TASOR: variants seen among roughly 807,000 people sequenced by gnomAD.
TASOR encodes the protein transcription activation suppressor, also known as protein TASOR.
A neutral mutation model predicts 178.6 loss-of-function variants in TASOR; 53 were observed. That is an observed-to-expected ratio of 0.30 (90% CI 0.24 to 0.37). TASOR has a LOEUF of 0.37. TASOR is among the 10% of genes least tolerant of loss of function. TASOR has a pLI of 1.00. For missense variants in TASOR, 1,815 were observed against 1,971.4 expected, an observed-to-expected ratio of 0.92 and a Z score of 1.50; for synonymous variants, 713 against 696.2, an observed-to-expected ratio of 1.02 and a Z score of -0.38.
rs765881446 is a variant in TASOR at position 56,640,102 on chromosome 3, A to G, written c.2648T>C (p.Phe883Ser). ...ACTGGGACACAAACTGCAATCTTCA[A>G]AATTATTCACGCTAATTAAATTTGG... ...EDPNLISVNNFEDCSLCPSVP... is the reference protein window; with the variant it reads ...EDPNLISVNNSEDCSLCPSVP... Residue 883 changes from phenylalanine to serine, a missense_variant, in exon 16 of 24, where the codon TTT (phenylalanine) becomes TCT (serine). Phe to Ser is a radical substitution (Grantham distance 155, BLOSUM62 -2). Transcript: ENST00000683822. 1 of 1,613,384 alleles carries G rather than the reference A, an allele frequency of 6.2e-7. No individual in the cohort carries two copies. Among genetic ancestry groups the G allele is most frequent in the South Asian group, 1.1e-5 (1 of 90,748 alleles).
rs890678269 is a variant in TASOR, at chr3:56,673,753, T to C, written c.332-28A>G. 20 of 1,521,084 alleles carry C rather than the reference T, an allele frequency of 1.3e-5. No individual in the cohort carries two copies. The African/African-American group carries it at 2.1e-4, about 16-fold the overall frequency. The allele number at this position is 1,521,084 out of a possible 1,614,324, so 94.2% of individuals were successfully genotyped here. A position where few individuals can be genotyped will look rare whatever the true frequency, so the allele number is the denominator to read the frequency against. Reference sequence around the variant, plus strand: ...AAAATAAAAAAACAAACATTTAAAATGTTTAACATTACTCCATCTTAAATA... The same window carrying C: ...AAAATAAAAAAACAAACATTTAAAACGTTTAACATTACTCCATCTTAAATA... On this transcript the variant is annotated intron_variant, in intron 1 of 23. Transcript: ENST00000683822.
intron 1 of TASOR, among the ~76,000 whole-genome samples, chr3:56,674,169 T>C (rs2031031112): frequency 8.0e-6 from 1 of 124,490 alleles, no homozygotes; most frequent in Non-Finnish European, 1.7e-5. Context: ...AGTAACAAAA[T>C]ATGCTGTTAC....
intron 5 of TASOR, 64 bp from the exon 6 acceptor site, chr3:56,668,622 A>G (rs2030313545): frequency 8.9e-7 from 1 of 1,118,744 alleles, no homozygotes; most frequent in Non-Finnish European, 1.3e-6. Context: ...TAACATTAAT[A>G]TTATGAAATA....
intron 13 of TASOR, among the ~76,000 whole-genome samples, chr3:56,648,445 T>C (rs1239641666): frequency 1.3e-5 from 2 of 151,822 alleles, no homozygotes; most frequent in African/African-American, 2.4e-5. Flanking sequence ...CTGGCCAACA[T>C]GGTGAAACCC....
chr3:56,680,418 A>G (rs1054260444), intron 1 of TASOR, among the ~76,000 whole-genome samples: 2 of 152,208 alleles, frequency 1.3e-5, no homozygotes, highest in Admixed American at 1.3e-4. Context: ...GACCAAAAAA[A>G]GAACTTTCTG....
intron 17 of TASOR, 70 bp from the exon 18 acceptor site, chr3:56,634,036 A>C: frequency 1.6e-6 from 2 of 1,270,334 alleles, no homozygotes; most frequent in Non-Finnish European, 2.1e-6. Flanking sequence ...AAACCCTTAA[A>C]TTGGGGGAAA....
Position 56,640,133 on chromosome 3 carries a change from A to T in TASOR, c.2620-3T>A, listed in dbSNP as rs1474377469. Reference sequence around the variant, plus strand: ...TTCACGCTAATTAAATTTGGATCCTAAAAATCAAAGTACACACTGAATAGC... The same window carrying T: ...TTCACGCTAATTAAATTTGGATCCTTAAAATCAAAGTACACACTGAATAGC... On this transcript the variant is annotated splice_region_variant and splice_polypyrimidine_tract_variant and intron_variant, in intron 15 of 23. Transcript: ENST00000683822. The T allele has an allele frequency of 6.2e-7, 1 of 1,611,840 alleles. No individual in the cohort carries two copies. The highest frequency in any genetic ancestry group is 8.5e-7 in the Non-Finnish European group (1 of 1,178,962).
chr3:56,675,960 TACC>T (rs2031258162), intron 1 of TASOR, among the ~76,000 whole-genome samples: 1 of 152,226 alleles, frequency 6.6e-6, no homozygotes, highest in South Asian at 2.1e-4. Context: ...AACAAATGGT[TACC>T]ACTATTTTCG....
intron 13 of TASOR, among the ~76,000 whole-genome samples, chr3:56,647,691 A>G (rs1317061867): frequency 2.0e-5 from 3 of 152,288 alleles, no homozygotes; most frequent in Non-Finnish European, 1.5e-5. Flanking sequence ...CTCATCCTTA[A>G]TCCAACAGTG....
chr3:56,660,366 T>A (rs1047254411), intron 11 of TASOR, among the ~76,000 whole-genome samples: 1 of 151,270 alleles, frequency 6.6e-6, no homozygotes, highest in African/African-American at 2.4e-5. Context: ...GGTGTGCACA[T>A]GTAATCCCAG....
intron 11 of TASOR, among the ~76,000 whole-genome samples, chr3:56,658,861 C>T (rs1297548977): frequency 6.6e-6 from 1 of 151,726 alleles, no homozygotes; most frequent in East Asian, 1.9e-4. Context: ...TTGCAGTGAG[C>T]TGAGACTGTG....
rs2031926412 is a variant in TASOR, at chr3:56,682,834, T to C, written c.173A>G (p.Glu58Gly). ...GGCGGCCTCGGCCCCCGCGTTCTCCTCACGCCCAGCGCCGCCGCTGGGCTC... is the reference window on the plus strand; with the variant it reads ...GGCGGCCTCGGCCCCCGCGTTCTCCCCACGCCCAGCGCCGCCGCTGGGCTC... ...IAEPSGGAGR[E>G]ENAGAEAAQS... Residue 58 changes from glutamate (E) to glycine (G), a missense_variant, in exon 1 of 24, where the codon GAG becomes GGG. Around this residue, in one of 5 missense-constraint regions of TASOR, gnomAD observed 244 missense variants for 202.7 expected, o/e 1.20. Transcript: ENST00000683822. 1.3e-6 allele frequency: 2 copies of C among 1,550,256 alleles called. No homozygotes were observed. Among genetic ancestry groups the C allele is most frequent in the Non-Finnish European group, 1.7e-6 (2 of 1,146,486 alleles).
chr3:56,675,405 G>A (rs1225365615), intron 1 of TASOR, among the ~76,000 whole-genome samples: 1 of 148,792 alleles, frequency 6.7e-6, no homozygotes, highest in Non-Finnish European at 1.5e-5. Context: ...TCGAACCCCT[G>A]ACCTCAGGTA....
At chr3:56,654,822 T>C (rs1308182918) in intron 11 of TASOR, among the ~76,000 whole-genome samples, 3 of 152,206 alleles carry the variant, frequency 2.0e-5, no homozygotes, top group Admixed American at 2.0e-4. Flanking sequence ...CCTGCCAGCC[T>C]TAGAACTATA....
rs1213800732 is a variant in TASOR, at chr3:56,638,692, G to C, written c.2824+14C>G. The C allele has an allele frequency of 6.2e-7, 1 of 1,614,002 alleles. No individual in the cohort carries two copies. The highest frequency in any genetic ancestry group is 1.1e-5 in the South Asian group (1 of 91,082). On this transcript the variant is annotated intron_variant, in intron 17 of 23. Transcript: ENST00000683822. ...AGGGCACACTGGGAAGAAAAGCAAA[G>C]CAAGCCTTCTCACCTGGTGTTTGTT...
intron 18 of TASOR, among the ~76,000 whole-genome samples, 187 bp downstream of exon 18, chr3:56,632,857 T>C (rs1186059175): frequency 1.3e-5 from 2 of 152,090 alleles, no homozygotes; most frequent in Non-Finnish European, 2.9e-5. Context: ...AGGCTTGTCA[T>C]GAACTCCTGG....
At position 56,628,709 on chromosome 3, in the gene TASOR, A is replaced by C. The variant is rs561581578; in HGVS notation, c.3748-95T>G. ...GCAAGATAAACTGATAAGCTTAACT[A>C]CTACCATGACATTATTAACAATGAA... is the stretch of plus-strand genomic sequence containing the variant. On this transcript the variant is annotated intron_variant, in intron 18 of 23. Coordinates refer to ENST00000683822, the MANE Select transcript of TASOR (RefSeq NM_001365635.2). 5.8e-5 allele frequency: 45 copies of C among 777,888 alleles called. No individual in the cohort carries two copies. The African/African-American group carries it at 7.5e-4, about 13-fold the overall frequency. The allele number at this position is 777,888 out of a possible 1,614,324, so 48.2% of individuals were successfully genotyped here.
chr3:56,658,814 G>T (rs1036980637), intron 11 of TASOR, among the ~76,000 whole-genome samples: 1 of 152,128 alleles, frequency 6.6e-6, no homozygotes, highest in African/African-American at 2.4e-5. Flanking sequence ...AGCTGAGGCA[G>T]GAGAATCGCT....
chr3:56,630,178 G>A (rs2076879661), intron 18 of TASOR, among the ~76,000 whole-genome samples: 2 of 151,956 alleles, frequency 1.3e-5, no homozygotes, highest in African/African-American at 4.8e-5. Flanking sequence ...TGTCAATCAG[G>A]ATGGTCCCAA....
Sources: gnomAD v4.1 joint callset for allele counts (sites outside exome capture counted in the v4.1 genomes callset) on GRCh38, gnomAD v4.1.1 for gene constraint, gnomAD v4.1.1 regional missense constraint, MANE v1.5 for transcripts, NCBI Gene and HGNC (gene_info 2026-07-23, HGNC 2026-07-21) for gene names.